Variants in XIRP2 observed in about 807,000 individuals in gnomAD.
XIRP2 encodes xin actin-binding repeat-containing protein 2.
A neutral mutation model predicts 277.0 loss-of-function variants in XIRP2; 236 were observed. The observed-to-expected ratio is 0.85, with a 90% CI of 0.77 to 0.95. The LOEUF is 0.95. Among genes scored for constraint, XIRP2 ranks in the 40% least tolerant of loss-of-function variants. The probability of loss-of-function intolerance (pLI) is 0.00; values close to 1 mark genes in which losing one functional copy is unlikely to be tolerated. For missense variants in XIRP2, 4,640 were observed against 4,157.5 expected (o/e 1.12, Z -3.19); for synonymous variants, 1,490 against 1,416.5 (o/e 1.05, Z -1.17).
intron 4 of XIRP2, among the ~76,000 whole-genome samples, chr2:167,212,303 C>T (rs963425452): frequency 7.9e-5 from 12 of 151,974 alleles, no homozygotes; most frequent in African/African-American, 2.7e-4. Flanking sequence ...AAATGATTCA[C>T]GAGGAAACAG....
intron 5 of XIRP2, among the ~76,000 whole-genome samples, chr2:167,234,299 T>C (rs559544658): frequency 2.6e-5 from 4 of 151,650 alleles, no homozygotes; most frequent in Admixed American, 2.6e-4. Context: ...CAGAAATTTA[T>C]GCAATATATC....
At chr2:166,948,251 A>G (rs920370486) in intron 2 of XIRP2, among the ~76,000 whole-genome samples, 4 of 152,132 alleles carry the variant, frequency 2.6e-5, no homozygotes, top group African/African-American at 4.8e-5. Context: ...GGGTTCATCT[A>G]TTATAACTAG....
chr2:167,209,912 G>A (rs1291226453), intron 3 of XIRP2, among the ~76,000 whole-genome samples: 2 of 152,058 alleles, frequency 1.3e-5, no homozygotes, highest in Admixed American at 6.5e-5. Context: ...GGTTAGGTTC[G>A]ATGATCTCTA....
At chr2:167,177,228 T>A (rs1361064915) in intron 3 of XIRP2, among the ~76,000 whole-genome samples, 1 of 152,250 alleles carries the variant, frequency 6.6e-6, no homozygotes, top group Non-Finnish European at 1.5e-5. Flanking sequence ...ACAATAATTG[T>A]CTCTAATCTC....
At chr2:167,023,154 G>T (rs1316698450) in intron 2 of XIRP2, among the ~76,000 whole-genome samples, 5 of 152,174 alleles carry the variant, frequency 3.3e-5, no homozygotes, top group Non-Finnish European at 7.3e-5. Flanking sequence ...ATTCTAACTG[G>T]TGTGAGATGG....
intron 2 of XIRP2, among the ~76,000 whole-genome samples, chr2:167,121,045 A>G (rs1246302178): frequency 2.0e-5 from 3 of 152,168 alleles, no homozygotes; most frequent in Non-Finnish European, 4.4e-5. Flanking sequence ...AGATGAAGAA[A>G]TGGAAGCCTA....
intron 2 of XIRP2, among the ~76,000 whole-genome samples, chr2:166,984,269 C>G (rs1686945421): frequency 6.6e-6 from 1 of 152,152 alleles, no homozygotes; most frequent in African/African-American, 2.4e-5. Flanking sequence ...TTTCAGTTTT[C>G]TACAAGGTGT....
rs184313850 is a variant in XIRP2 at position 167,241,046 on chromosome 2, G to T, written c.1042+310G>T. 1.1e-3 allele frequency among the ~76,000 whole-genome samples: 161 copies of T among 152,218 alleles called. 1 individual carries two copies. Among genetic ancestry groups the T allele is most frequent in the Admixed American group, 0.01 (154 of 15,292 alleles). On this transcript the variant is annotated intron_variant, in intron 7 of 10. Coordinates refer to ENST00000409195, the MANE Select transcript of XIRP2 (RefSeq NM_152381.6). ...TACAGTAAAACTTAATGTTTATCAA[G>T]CTCCCTGAGAATAGAGTTGTTATCT...
intron 3 of XIRP2, among the ~76,000 whole-genome samples, chr2:167,143,781 A>T (rs1691792683): frequency 6.6e-6 from 1 of 152,118 alleles, no homozygotes; most frequent in African/African-American, 2.4e-5. Context: ...ACTTTTCACC[A>T]TCGTAAAAAA....
intron 3 of XIRP2, among the ~76,000 whole-genome samples, chr2:167,145,169 T>C (rs913377525): frequency 3.9e-5 from 6 of 152,170 alleles, no homozygotes; most frequent in African/African-American, 1.4e-4. Context: ...GCAATAATAT[T>C]CTATATACTA....
At position 166,965,789 on chromosome 2, in the gene XIRP2, C is replaced by A. The variant is rs373972061; in HGVS notation, c.408+61899C>A. ...ATAGAGACAAAGTCTCCCTATCTTG[C>A]TAAGGTTGGTCTGAAACTCCTGGGC... On this transcript the variant is annotated intron_variant, in intron 2 of 10. Transcript: ENST00000409195. 6.7e-4 allele frequency among the ~76,000 whole-genome samples: 102 copies of A among 151,842 alleles called. 1 individual carries two copies. The highest frequency in any genetic ancestry group is 2.4e-3 in the African/African-American group (100 of 41,470).
chr2:166,901,384 T>C (rs1287511906), intron 1 of XIRP2, among the ~76,000 whole-genome samples: 1 of 152,124 alleles, frequency 6.6e-6, no homozygotes, highest in Non-Finnish European at 1.5e-5. Context: ...CTAGGGGTTT[T>C]AGCTGTATTT....
At chr2:167,022,322 A>T (rs867021955) in intron 2 of XIRP2, among the ~76,000 whole-genome samples, 8 of 152,152 alleles carry the variant, frequency 5.3e-5, no homozygotes, top group African/African-American at 1.9e-4. Flanking sequence ...GAAAATTGAG[A>T]GTCATTTATG....
rs200585621 is a variant in XIRP2, at chr2:166,997,905, CA to C, written c.408+94028del. Among the ~76,000 whole-genome samples the C allele has an allele frequency of 4.2e-3, 558 of 133,254 alleles. 3 individuals are homozygous for C. Among genetic ancestry groups the C allele is most frequent in the Middle Eastern group, 0.012 (3 of 256 alleles). 87.4% of individuals were successfully genotyped at this position (133,254 alleles called of 152,430 possible). ...CTGGTGAAAGAGCGAGACTCCATCTCAAAAAAAAAAAAAGAAGAAGAAGTTC... is the reference window on the plus strand; with the variant it reads ...CTGGTGAAAGAGCGAGACTCCATCTCAAAAAAAAAAAAGAAGAAGAAGTTC... On this transcript the variant is annotated intron_variant, in intron 2 of 10. Coordinates refer to ENST00000409195, the MANE Select transcript of XIRP2 (RefSeq NM_152381.6).
chr2:166,986,727 G>A (rs531657749), intron 2 of XIRP2, among the ~76,000 whole-genome samples: 1 of 152,252 alleles, frequency 6.6e-6, no homozygotes, highest in Non-Finnish European at 1.5e-5. Context: ...GTTTATCAGG[G>A]ATCTTTGTAT....
chr2:167,198,004 T>C (rs369509823), intron 3 of XIRP2, among the ~76,000 whole-genome samples: 1 of 152,212 alleles, frequency 6.6e-6, no homozygotes, highest in African/African-American at 2.4e-5. Context: ...CGTTCTTCCA[T>C]GTATGGTACA....
chr2:167,073,708 C>T (rs560159810), intron 2 of XIRP2, among the ~76,000 whole-genome samples: 46 of 152,196 alleles, frequency 3.0e-4, no homozygotes, highest in African/African-American at 1.0e-3. Flanking sequence ...ATGTATCAGT[C>T]GAAATATCCC....
At chr2:167,112,855 A>T (rs892308711) in intron 2 of XIRP2, among the ~76,000 whole-genome samples, 2 of 151,780 alleles carry the variant, frequency 1.3e-5, no homozygotes, top group Non-Finnish European at 2.9e-5. Context: ...TTTCATCATC[A>T]TGTTGCCGAA....
intron 4 of XIRP2, among the ~76,000 whole-genome samples, chr2:167,215,264 A>C (rs553900480): frequency 6.6e-6 from 1 of 152,286 alleles, no homozygotes; most frequent in South Asian, 2.1e-4. Flanking sequence ...GAAGTAATTG[A>C]TTAAGATTTG....
Sources: gnomAD v4.1 joint callset for allele counts (sites outside exome capture counted in the v4.1 genomes callset) on GRCh38, gnomAD v4.1.1 for gene constraint, MANE v1.5 for transcripts, NCBI Gene and HGNC (gene_info 2026-07-23, HGNC 2026-07-21) for gene names.